CELF2: variants seen among roughly 807,000 people sequenced by gnomAD.
The protein encoded by CELF2 is CUGBP Elav-like family member 2.
In CELF2, 8 loss-of-function variants were observed where a neutral mutation model predicts 62.6. That is an observed-to-expected ratio of 0.13 (90% CI 0.07 to 0.23). The LOEUF is 0.23. Ranked by LOEUF, CELF2 falls within the 10% of genes least tolerant of loss-of-function variation. CELF2 has a pLI of 1.00. For synonymous variants in CELF2, 258 were observed against 250.0 expected, an observed-to-expected ratio of 1.03 and a Z score of -0.30; for missense variants, 333 against 671.0, an observed-to-expected ratio of 0.50 and a Z score of 5.56.
chr10:11,018,183 G>T lies in CELF2; in HGVS notation c.74+20G>T. The stretch of plus-strand genomic sequence containing the variant: ...CAGAATGTGAGTGGCGCCGCGTCCC[G>T]AGGCCGGGCGAGCGGGCGTCCTCCT... On this transcript the variant is annotated intron_variant, in intron 1 of 12. Coordinates refer to ENST00000633077, the MANE Select transcript of CELF2 (RefSeq NM_001326342.2). The T allele has an allele frequency of 6.6e-7, 1 of 1,507,534 alleles. No individual in the cohort carries two copies. The highest frequency in any genetic ancestry group is 1.2e-5 in the South Asian group (1 of 83,410). 93.4% of individuals were successfully genotyped at this position (1,507,534 alleles called of 1,614,324 possible). A position where few individuals can be genotyped will look rare whatever the true frequency, so the allele number is the denominator to read the frequency against.
the CELF2 span, among the ~76,000 whole-genome samples, chr10:10,517,442 C>T: frequency 4.5e-3 from 683 of 152,316 alleles, 4 homozygotes; most frequent in African/African-American, 0.016. Flanking sequence ...GTCAACCCTT[C>T]ACCACCCTGA....
At chr10:10,796,799 T>C (rs913914769), upstream of CELF2, 1 of 672,178 alleles carries the variant, frequency 1.5e-6, no homozygotes, top group Non-Finnish European at 1.8e-6. Context: ...AAAAGTGTTA[T>C]GTAAATGTTT....
In CELF2 at chr10:10,997,584, C is replaced by T. The variant is rs1376083072; in HGVS notation, c.89+77585C>T. ...TCACGTTTGGATCCCAGATAATGGT[C>T]GAGTAACGTAGTTTCTCTGACCTGG... On this transcript the variant is annotated intron_variant, in intron 2 of 13. Coordinates refer to the CELF2 transcript ENST00000636488. This position sits in a 1 kb window ranked among gnomAD's most constrained non-coding sequence, Gnocchi z 5.3. 1.3e-5 allele frequency among the ~76,000 whole-genome samples: 2 copies of T among 152,198 alleles called. No homozygotes were observed. Among genetic ancestry groups the T allele is most frequent in the Admixed American group, 6.5e-5 (1 of 15,278 alleles).
chr10:10,639,665 A>G, the CELF2 span, among the ~76,000 whole-genome samples: 1 of 152,234 alleles, frequency 6.6e-6, no homozygotes, highest in Admixed American at 6.5e-5. Context: ...GTCCCTGATC[A>G]ATATCTAATA....
chr10:10,973,436 T>C (rs1794456761), intron 2 of CELF2, among the ~76,000 whole-genome samples: 1 of 152,196 alleles, frequency 6.6e-6, no homozygotes, highest in East Asian at 1.9e-4. Flanking sequence ...TTTAGAGTGT[T>C]ATACCCCTCA....
chr10:11,170,708 T>C (rs2068595070), intron 2 of CELF2, among the ~76,000 whole-genome samples: 1 of 151,980 alleles, frequency 6.6e-6, no homozygotes, highest in Non-Finnish European at 1.5e-5. Context: ...TGGCAGTTGA[T>C]GTTCAATGGG....
chr10:10,601,039 A>G, the CELF2 span, among the ~76,000 whole-genome samples: 2 of 152,214 alleles, frequency 1.3e-5, no homozygotes, highest in Non-Finnish European at 2.9e-5. Context: ...CAGGCCTTCC[A>G]CAGGCGAGAG....
At chr10:10,645,505 T>C in the CELF2 span, among the ~76,000 whole-genome samples, 1 of 151,862 alleles carries the variant, frequency 6.6e-6, no homozygotes, top group Admixed American at 6.6e-5. Flanking sequence ...AATAGAAAAA[T>C]TAGGCAGGCA....
At chr10:11,310,061 G>C (rs1329865156) in intron 9 of CELF2, among the ~76,000 whole-genome samples, 2 of 152,144 alleles carry the variant, frequency 1.3e-5, no homozygotes, top group Non-Finnish European at 2.9e-5. Flanking sequence ...CCTCCACCCA[G>C]TGAGTGAGAT....
Position 11,156,253 on chromosome 10 carries a change from G to A in CELF2, c.75-9233G>A, listed in dbSNP as rs1391657685. Among the ~76,000 whole-genome samples the A allele has an allele frequency of 6.6e-6, 1 of 152,020 alleles. No homozygotes were observed. The highest frequency in any genetic ancestry group is 1.5e-5 in the Non-Finnish European group (1 of 68,000). On this transcript the variant is annotated intron_variant, in intron 1 of 12. Coordinates refer to ENST00000633077, the MANE Select transcript of CELF2 (RefSeq NM_001326342.2). This position sits in a 1 kb window ranked among gnomAD's most constrained non-coding sequence, Gnocchi z 4.3. ...TGTTGACTCTCGGATTTAATAGGAC[G>A]GCACTGGACGGGATAACATGGCTCT...
At chr10:10,787,100 T>A in the CELF2 span, among the ~76,000 whole-genome samples, 1 of 152,200 alleles carries the variant, frequency 6.6e-6, no homozygotes. Flanking sequence ...AAATATTCAG[T>A]TATAAAAAGT....
chr10:11,164,263 G>C (rs1182036744), intron 1 of CELF2, among the ~76,000 whole-genome samples: 4 of 152,200 alleles, frequency 2.6e-5, no homozygotes, highest in Admixed American at 2.0e-4. Context: ...TGGAGCGGGG[G>C]TAGGGGGCAC....
At chr10:11,142,200 G>A (rs951579586) in intron 1 of CELF2, among the ~76,000 whole-genome samples, 7 of 152,334 alleles carry the variant, frequency 4.6e-5, no homozygotes, top group African/African-American at 1.7e-4. Flanking sequence ...ATGATAACTT[G>A]TTTCTTGATG....
At chr10:11,074,016 A>G (rs552612400) in intron 1 of CELF2, among the ~76,000 whole-genome samples, 98 of 152,338 alleles carry the variant, frequency 6.4e-4, no homozygotes, top group African/African-American at 2.2e-3. Context: ...TCCGTGCCAC[A>G]GCCCTCGAGG....
upstream of CELF2, among the ~76,000 whole-genome samples, chr10:11,014,827 T>C (rs920282142): frequency 2.0e-5 from 3 of 152,096 alleles, no homozygotes; most frequent in African/African-American, 7.2e-5. Flanking sequence ...GTTTGGGAAA[T>C]GAATAGCAAG....
rs2062105006 is a variant in CELF2 at position 11,145,520 on chromosome 10, T to G, written c.75-19966T>G. On this transcript the variant is annotated intron_variant, in intron 1 of 12. Transcript: ENST00000633077. This position sits in a 1 kb window ranked among gnomAD's most constrained non-coding sequence, Gnocchi z 4.3. ...GAACCAGTTGGTGGGGTGGAGATATTAAAGGATAGAATTTTTCTGGGAAAT... is the reference window on the plus strand; with the variant it reads ...GAACCAGTTGGTGGGGTGGAGATATGAAAGGATAGAATTTTTCTGGGAAAT... Among the ~76,000 whole-genome samples the G allele has an allele frequency of 6.6e-6, 1 of 152,196 alleles. No individual in the cohort carries two copies. Among genetic ancestry groups the G allele is most frequent in the East Asian group, 1.9e-4 (1 of 5,202 alleles).
At chr10:10,617,979 C>T in the CELF2 span, among the ~76,000 whole-genome samples, 13 of 152,082 alleles carry the variant, frequency 8.5e-5, no homozygotes, top group African/African-American at 2.9e-4. Flanking sequence ...CTTCCCTTCC[C>T]TCATTCCTTC....
chr10:10,927,975 C>T (rs923131745), intron 2 of CELF2, among the ~76,000 whole-genome samples: 2 of 152,078 alleles, frequency 1.3e-5, no homozygotes, highest in Non-Finnish European at 2.9e-5. Context: ...GTTCCAAGGG[C>T]TGCTTTCATC....
chr10:10,607,337 G>A, the CELF2 span, among the ~76,000 whole-genome samples: 1 of 152,144 alleles, frequency 6.6e-6, no homozygotes, highest in South Asian at 2.1e-4. Flanking sequence ...GCAGCAAAAT[G>A]AGCTACCTGA....
Sources: allele counts gnomAD v4.1 joint callset (sites outside exome capture counted in the v4.1 genomes callset), GRCh38; gene constraint gnomAD v4.1.1; non-coding constraint Gnocchi (gnomAD v3.1); transcripts MANE v1.5; gene names NCBI Gene and HGNC (gene_info 2026-07-23, HGNC 2026-07-21).